The following RASGRP3 variants were observed in gnomAD, a reference collection of about 807,000 sequenced individuals.
The protein encoded by RASGRP3 is RAS guanyl releasing protein 3, also known as ras guanyl-releasing protein 3.
In RASGRP3, 54 loss-of-function variants were observed where a neutral mutation model predicts 82.7. That is an observed-to-expected ratio of 0.65 (90% CI 0.52 to 0.82). The LOEUF is 0.82. RASGRP3 is among the 40% of genes least tolerant of loss of function. The pLI, the probability that RASGRP3 is intolerant of heterozygous loss-of-function variation, is 0.00. For synonymous variants in RASGRP3, 309 were observed against 300.5 expected, an observed-to-expected ratio of 1.03 and a Z score of -0.29; for missense variants, 861 against 828.9, an observed-to-expected ratio of 1.04 and a Z score of -0.48.
In RASGRP3 at chr2:33,463,912, T is replaced by C. The variant is rs1267876064; in HGVS notation, c.-261+15969T>C. ...ACCGTGCCCAGCCCTTTCATTCTTT[T>C]TATTTGTACATGTGCATACCTCATT... On this transcript the variant is annotated intron_variant, in intron 2 of 18. Coordinates refer to the RASGRP3 transcript ENST00000402538. Among the ~76,000 whole-genome samples, 3 of 151,812 alleles carry C rather than the reference T, an allele frequency of 2.0e-5. No homozygotes were observed. The East Asian group carries it at 5.8e-4, about 29-fold the overall frequency.
intron 1 of RASGRP3, among the ~76,000 whole-genome samples, chr2:33,491,630 A>G (rs56197194): frequency 0.053 from 8,135 of 152,334 alleles, 655 homozygotes; most frequent in African/African-American, 0.17. Flanking sequence ...CTTAGTCTGG[A>G]GACTGCATTG....
At position 33,564,195 on chromosome 2, in the gene RASGRP3, G is replaced by GTCTT. The variant is rs1304271762; in HGVS notation, c.*1459_*1462dup. Reference sequence around the variant, plus strand: ...TATGCACAAAGTTAAGAAAAACTTGGTCTTAGCCCTTGGGAGCTGACAGCC... The same window carrying GTCTT: ...TATGCACAAAGTTAAGAAAAACTTGGTCTTTCTTAGCCCTTGGGAGCTGACAGCC... On this transcript the variant is annotated 3_prime_UTR_variant, in exon 18 of 18. Coordinates refer to ENST00000403687, the MANE Select transcript of RASGRP3 (RefSeq NM_001139488.2). The GTCTT allele has an allele frequency of 1.3e-5, 2 of 152,166 alleles. No homozygotes were observed. The highest frequency in any genetic ancestry group is 4.8e-5 in the African/African-American group (2 of 41,438). 9.4% of individuals were successfully genotyped at this position (152,166 alleles called of 1,614,324 possible). A position where few individuals can be genotyped will look rare whatever the true frequency, so the allele number is the denominator to read the frequency against.
upstream of RASGRP3, among the ~76,000 whole-genome samples, chr2:33,472,817 G>A (rs1047404728): frequency 1.3e-5 from 2 of 148,806 alleles, no homozygotes; most frequent in African/African-American, 2.5e-5. Flanking sequence ...TGCCGGGCGC[G>A]GTGGGTCACG....
chr2:33,515,235 T>A (rs764921508), intron 3 of RASGRP3, 29 bp downstream of exon 3: 1 of 1,609,786 alleles, frequency 6.2e-7, no homozygotes, highest in South Asian at 1.1e-5. Context: ...TTCATCTCTT[T>A]TGGATCTCTC....
In RASGRP3 at chr2:33,527,551, G is replaced by C; in HGVS notation, c.1083+139G>C. Reference sequence around the variant, plus strand: ...TCAATAGATGAGAGGAAATCTCATAGAACAAGGGAAAAGGAGCCCTGATTA... The same window carrying C: ...TCAATAGATGAGAGGAAATCTCATACAACAAGGGAAAAGGAGCCCTGATTA... On this transcript the variant is annotated intron_variant, in intron 10 of 17. Coordinates refer to ENST00000403687, the MANE Select transcript of RASGRP3 (RefSeq NM_001139488.2). 5.4e-6 allele frequency: 5 copies of C among 922,642 alleles called. No individual in the cohort carries two copies. The South Asian group carries it at 7.3e-5, about 13-fold the overall frequency. The allele number at this position is 922,642 out of a possible 1,614,324, so 57.2% of individuals were successfully genotyped here. A position where few individuals can be genotyped will look rare whatever the true frequency, so the allele number is the denominator to read the frequency against.
At chr2:33,520,424 C>A in intron 5 of RASGRP3, 129 bp from the exon 6 acceptor site, 1 of 1,229,114 alleles carries the variant, frequency 8.1e-7, no homozygotes, top group Non-Finnish European at 1.1e-6. Context: ...CAGGAGATGG[C>A]TAATTTGAAG....
chr2:33,522,933 C>G (rs1672172354), intron 7 of RASGRP3, among the ~76,000 whole-genome samples: 2 of 152,312 alleles, frequency 1.3e-5, no homozygotes, highest in Admixed American at 6.5e-5. Context: ...GTCCCCTGCA[C>G]AGTTTATATG....
At position 33,527,400 on chromosome 2, in the gene RASGRP3, C is replaced by A; in HGVS notation, c.1071C>A (p.Ile357=). Residue 357 remains isoleucine, a synonymous_variant, in exon 10 of 18, where the codon ATC becomes ATA. Coordinates refer to ENST00000403687, the MANE Select transcript of RASGRP3 (RefSeq NM_001139488.2). ...ACTTAGAACCCAACATGGATTTGAT[C>A]AACCTGCTCACGGTGAGTTCCAAGG... ...SHHLEPNMDL[I]NLLTLSLDLY... is the part of the protein sequence containing the mutation. 1 of 1,612,816 alleles carries A rather than the reference C, an allele frequency of 6.2e-7. No individual in the cohort carries two copies. The highest frequency in any genetic ancestry group is 1.1e-5 in the South Asian group (1 of 90,974).
At chr2:33,526,880 C>G (rs1428065912) in intron 9 of RASGRP3, among the ~76,000 whole-genome samples, 5 of 152,168 alleles carry the variant, frequency 3.3e-5, no homozygotes, top group Admixed American at 6.5e-5. Flanking sequence ...CATTTAATAT[C>G]CCAACATCCC....
intron 11 of RASGRP3, among the ~76,000 whole-genome samples, chr2:33,534,941 C>T (rs192127946): frequency 2.3e-4 from 35 of 152,178 alleles, no homozygotes; most frequent in African/African-American, 8.4e-4. Context: ...ATTCTCATTA[C>T]TCTGTTTTAT....
Position 33,527,304 on chromosome 2 carries a change from G to A in RASGRP3, c.975G>A (p.Val325=). The A allele has an allele frequency of 6.2e-7, 1 of 1,613,908 alleles. No homozygotes were observed. The highest frequency in any genetic ancestry group is 8.5e-7 in the Non-Finnish European group (1 of 1,179,806). Residue 325 remains valine (V), a synonymous_variant, in exon 10 of 18, where the codon GTG becomes GTA. Transcript: ENST00000403687. ...CAGACTGGACAGAGGAGAACAAAGT[G>A]AACATTGTGAAAATGCACCAGCTCT... The part of the protein sequence containing the change: ...IFPDWTEENK[V]NIVKMHQLSV...
chr2:33,460,962 C>G (rs1666329630), intron 2 of RASGRP3, among the ~76,000 whole-genome samples: 1 of 152,356 alleles, frequency 6.6e-6, no homozygotes, highest in African/African-American at 2.4e-5. Context: ...AAATACCTAT[C>G]AAACTTCACT....
At chr2:33,536,111 T>C (rs1309305698) in intron 11 of RASGRP3, among the ~76,000 whole-genome samples, 1 of 152,006 alleles carries the variant, frequency 6.6e-6, no homozygotes, top group African/African-American at 2.4e-5. Flanking sequence ...GAGACCAGCC[T>C]GGCCAACATG....
At chr2:33,465,997 C>T (rs1402260453) in intron 2 of RASGRP3, among the ~76,000 whole-genome samples, 1 of 150,574 alleles carries the variant, frequency 6.6e-6, no homozygotes, top group East Asian at 1.9e-4. Context: ...GGAAGGATTC[C>T]TTCTTACTGC....
At chr2:33,479,475 C>T (rs1319635448) in intron 1 of RASGRP3, among the ~76,000 whole-genome samples, 1 of 152,148 alleles carries the variant, frequency 6.6e-6, no homozygotes, top group Non-Finnish European at 1.5e-5. Context: ...CAGACCCATC[C>T]CCTTTGCTCA....
Position 33,539,130 on chromosome 2 carries a change from GT to G in RASGRP3, c.1199del (p.Val400AspfsTer7). 6.2e-7 allele frequency: 1 copy of G among 1,611,484 alleles called. No individual in the cohort carries two copies. ...TSPTTPNKPV[V>X]PLEWALGVMP... ...CCCTACGACGCCCAACAAGCCTGTGGTACCCCTGGAGTGGGCATTAGGGGTG... is the reference window on the plus strand; with the variant it reads ...CCCTACGACGCCCAACAAGCCTGTGGACCCCTGGAGTGGGCATTAGGGGTG... On this transcript the variant is annotated frameshift_variant, in exon 12 of 18. Coordinates refer to ENST00000403687, the MANE Select transcript of RASGRP3 (RefSeq NM_001139488.2). LOFTEE classifies it high-confidence loss of function.
At chr2:33,440,358 C>T (rs1251325855) in intron 1 of RASGRP3, among the ~76,000 whole-genome samples, 3 of 152,168 alleles carry the variant, frequency 2.0e-5, no homozygotes, top group Non-Finnish European at 4.4e-5. Flanking sequence ...AAAGTGAGGT[C>T]AGAGAGATTA....
At chr2:33,535,567 C>T (rs1367434814) in intron 11 of RASGRP3, among the ~76,000 whole-genome samples, 1 of 152,244 alleles carries the variant, frequency 6.6e-6, no homozygotes, top group Non-Finnish European at 1.5e-5. Flanking sequence ...CGTCCTCTGG[C>T]CCTGGCAGGG....
At chr2:33,533,284 A>G (rs993347108) in intron 10 of RASGRP3, 2 of 152,214 alleles carry the variant, frequency 1.3e-5, no homozygotes, top group Admixed American at 6.5e-5. Context: ...GTCCTTGCCT[A>G]CAATGATCTT....
Sources: allele counts gnomAD v4.1 joint callset (sites outside exome capture counted in the v4.1 genomes callset), GRCh38; gene constraint gnomAD v4.1.1; transcripts MANE v1.5; gene names NCBI Gene and HGNC (gene_info 2026-07-23, HGNC 2026-07-21).